ABI1: variants seen among roughly 807,000 people sequenced by gnomAD.
The protein encoded by ABI1 is abl interactor 1.
A neutral mutation model predicts 54.6 loss-of-function variants in ABI1; 14 were observed. The observed-to-expected ratio is 0.26, with a 90% confidence interval of 0.17 to 0.40. ABI1 has a LOEUF of 0.40. ABI1 is among the 10% of genes least tolerant of loss of function. The pLI is 1.00. For missense variants in ABI1, 443 were observed against 598.3 expected (o/e 0.74, Z 2.71); for synonymous variants, 194 against 209.3 (o/e 0.93, Z 0.63).
At chr10:26,817,781 G>A (rs1050688368) in intron 2 of ABI1, among the ~76,000 whole-genome samples, 2 of 152,070 alleles carry the variant, frequency 1.3e-5, no homozygotes, top group East Asian at 3.9e-4. Context: ...AAAGCTGAAA[G>A]AACTCATCAC....
intron 2 of ABI1, among the ~76,000 whole-genome samples, chr10:26,808,135 A>T (rs949992117): frequency 1.3e-5 from 2 of 152,192 alleles, no homozygotes; most frequent in African/African-American, 4.8e-5. Flanking sequence ...TTTCATTTTT[A>T]AAAGTGTATA....
At chr10:26,758,083 A>C (rs1176709157) in intron 8 of ABI1, among the ~76,000 whole-genome samples, 1 of 151,482 alleles carries the variant, frequency 6.6e-6, no homozygotes, top group Non-Finnish European at 1.5e-5. Context: ...AAAAAAAAAA[A>C]AAAAAAAAAA....
At chr10:26,794,660 C>T (rs1479554963) in intron 2 of ABI1, among the ~76,000 whole-genome samples, 1 of 151,380 alleles carries the variant, frequency 6.6e-6, no homozygotes, top group Non-Finnish European at 1.5e-5. Context: ...TTAAATGAAG[C>T]AATATATAGA....
intron 6 of ABI1, 68 bp downstream of exon 6, chr10:26,768,784 A>G: frequency 1.4e-6 from 2 of 1,420,310 alleles, no homozygotes; most frequent in Non-Finnish European, 1.9e-6. Flanking sequence ...CAGCACCTCC[A>G]TAGGAGTTTG....
chr10:26,800,763 G>A (rs1246336574), intron 2 of ABI1, among the ~76,000 whole-genome samples: 1 of 152,202 alleles, frequency 6.6e-6, no homozygotes. Context: ...AGGCACAGTG[G>A]CTGACGCCTG....
chr10:26,827,020 T>C (rs1392113793), intron 1 of ABI1, among the ~76,000 whole-genome samples: 1 of 151,988 alleles, frequency 6.6e-6, no homozygotes, highest in Non-Finnish European at 1.5e-5. Context: ...TTCAAGAGAT[T>C]CTCCTGCCTC....
rs1342694391 is a variant in ABI1 at position 26,773,212 on chromosome 10, A to ATTGTTTTTTTTTTTTTTTTTTTTTTTTT, written c.463-2124_463-2123insAAAAAAAAAAAAAAAAAAAAAAAAACAA. ...CATAGGCACTAAATGTCTAATGCTA[A>ATTGTTTTTTTTTTTTTTTTTTTTTTTTT]TTCTTTTTTTTTTTTTGCTGGCTCT... On this transcript the variant is annotated intron_variant, in intron 3 of 10. Coordinates refer to ENST00000376140, the MANE Select transcript of ABI1 (RefSeq NM_001012750.3). 3.2e-5 allele frequency among the ~76,000 whole-genome samples: 2 copies of ATTGTTTTTTTTTTTTTTTTTTTTTTTTT among 63,368 alleles called. 1 individual carries two copies. Among genetic ancestry groups the ATTGTTTTTTTTTTTTTTTTTTTTTTTTT allele is most frequent in the African/African-American group, 2.4e-4 (2 of 8,208 alleles). The allele number at this position is 63,368 out of a possible 152,430, so 41.6% of individuals were successfully genotyped here.
intron 2 of ABI1, among the ~76,000 whole-genome samples, chr10:26,801,269 C>T (rs981060867): frequency 1.3e-5 from 2 of 152,052 alleles, no homozygotes; most frequent in Non-Finnish European, 2.9e-5. Context: ...CCATCGTGGC[C>T]GGGCACGGTG....
At chr10:26,817,726 A>G (rs540007527) in intron 2 of ABI1, among the ~76,000 whole-genome samples, 1 of 152,340 alleles carries the variant, frequency 6.6e-6, no homozygotes, top group East Asian at 1.9e-4. Flanking sequence ...ATTCTGCCAC[A>G]ATAATAAACA....
chr10:26,810,097 C>CT (rs1225865415), intron 2 of ABI1, among the ~76,000 whole-genome samples: 2 of 152,164 alleles, frequency 1.3e-5, no homozygotes, highest in African/African-American at 4.8e-5. Context: ...GGGGACCCTA[C>CT]TTGCCACTAG....
At chr10:26,825,770 C>G (rs979296924) in intron 1 of ABI1, among the ~76,000 whole-genome samples, 1 of 152,216 alleles carries the variant, frequency 6.6e-6, no homozygotes, top group African/African-American at 2.4e-5. Context: ...GTCATTTCAA[C>G]AAGGTTCACA....
chr10:26,779,674 A>G (rs1174743391), intron 2 of ABI1, among the ~76,000 whole-genome samples: 2 of 152,226 alleles, frequency 1.3e-5, no homozygotes, highest in East Asian at 3.9e-4. Flanking sequence ...TGGTTGTTAA[A>G]GAAGAATGGC....
At chr10:26,759,961 G>A (rs1838901886) in intron 7 of ABI1, among the ~76,000 whole-genome samples, 1 of 151,564 alleles carries the variant, frequency 6.6e-6, no homozygotes, top group Non-Finnish European at 1.5e-5. Context: ...ACTGACAGAA[G>A]CAGAAAATTT....
At chr10:26,841,122 T>G (rs1287104535) in intron 1 of ABI1, among the ~76,000 whole-genome samples, 2 of 152,224 alleles carry the variant, frequency 1.3e-5, no homozygotes, top group Non-Finnish European at 2.9e-5. Context: ...TCAGACCATA[T>G]GGCATGCAAA....
chr10:26,838,353 T>C (rs12220354), intron 1 of ABI1, among the ~76,000 whole-genome samples: 10,342 of 152,152 alleles, frequency 0.068, 386 homozygotes, highest in East Asian at 0.14. Context: ...ACCTGAGGTA[T>C]GGGAACTTCA....
At chr10:26,846,723 C>A (rs932720397) in intron 1 of ABI1, among the ~76,000 whole-genome samples, 1 of 152,172 alleles carries the variant, frequency 6.6e-6, no homozygotes, top group South Asian at 2.1e-4. Flanking sequence ...CTACCTACCT[C>A]TTCACAGATG....
chr10:26,804,743 G>A (rs533384964), intron 2 of ABI1, among the ~76,000 whole-genome samples: 59 of 152,080 alleles, frequency 3.9e-4, no homozygotes, highest in Non-Finnish European at 6.2e-4. Context: ...AGGTAGGTAG[G>A]AAAAATCACA....
chr10:26,843,660 A>G (rs2049758841), intron 1 of ABI1, among the ~76,000 whole-genome samples: 1 of 151,464 alleles, frequency 6.6e-6, no homozygotes, highest in Non-Finnish European at 1.5e-5. Flanking sequence ...CAAAAATGAG[A>G]GTGGCAGGAT....
intron 7 of ABI1, chr10:26,763,838 T>C (rs984363257): frequency 4.5e-6 from 7 of 1,539,174 alleles, no homozygotes; most frequent in South Asian, 2.2e-5. Flanking sequence ...TTATGAATTA[T>C]GTAAAGTGAG....
Sources: gnomAD v4.1 joint callset for allele counts (sites outside exome capture counted in the v4.1 genomes callset) on GRCh38, gnomAD v4.1.1 for gene constraint, MANE v1.5 for transcripts, NCBI Gene and HGNC (gene_info 2026-07-23, HGNC 2026-07-21) for gene names.